Variants in HEATR5A observed in about 807,000 individuals in gnomAD.
HEATR5A encodes HEAT repeat containing 5A.
In HEATR5A, 178 loss-of-function variants were observed where a neutral mutation model predicts 218.8. The ratio of observed to expected loss-of-function variants is 0.81; its 90% CI spans 0.72 to 0.92. HEATR5A has a LOEUF of 0.92. Among genes scored for constraint, HEATR5A ranks in the 40% least tolerant of loss-of-function variants. The pLI is 0.00. For missense variants in HEATR5A, 2,420 were observed against 2,418.9 expected, an observed-to-expected ratio of 1.00 and a Z score of -0.01; for synonymous variants, 864 against 871.6, an observed-to-expected ratio of 0.99 and a Z score of 0.15.
In HEATR5A at chr14:31,359,016, T is replaced by G. The variant is rs1242308787; in HGVS notation, c.2113A>C (p.Thr705Pro). Reference protein sequence around the residue: ...AILRELAADLTAPDIQVAAST... With the variant: ...AILRELAADLPAPDIQVAAST... ...GCTGCCACCTGAATATCAGGGGCAG[T>G]CAAGTCAGCAGCCAGCTCTCTGAGG... The change falls in exon 15 of 36, where the codon ACT (threonine) becomes CCT (proline). Residue 705 changes from threonine to proline, a missense_variant. Physicochemically the swap from Thr to Pro is conservative, Grantham distance 38 (BLOSUM62 -1). Transcript: ENST00000543095. The G allele has an allele frequency of 3.1e-6, 5 of 1,589,174 alleles. No individual in the cohort carries two copies. The highest frequency in any genetic ancestry group is 4.3e-6 in the Non-Finnish European group (5 of 1,174,404).
chr14:31,364,350 T>C (rs1474979045), intron 13 of HEATR5A, 52 bp from the exon 14 acceptor site: 3 of 868,456 alleles, frequency 3.5e-6, no homozygotes, highest in East Asian at 2.7e-5. Flanking sequence ...TATAACAATA[T>C]ACAAAAATTG....
chr14:31,395,448 C>A, intron 4 of HEATR5A, 100 bp from the exon 5 acceptor site: 1 of 559,992 alleles, frequency 1.8e-6, no homozygotes, highest in Non-Finnish European at 3.0e-6. Flanking sequence ...AATATCCAGA[C>A]TTCTCTACAT....
chr14:31,310,631 C>T (rs926119037), intron 28 of HEATR5A, among the ~76,000 whole-genome samples: 1 of 152,012 alleles, frequency 6.6e-6, no homozygotes, highest in African/African-American at 2.4e-5. Flanking sequence ...CAGAGCAAGA[C>T]TCCACCTCAA....
intron 9 of HEATR5A, among the ~76,000 whole-genome samples, chr14:31,385,972 C>A (rs2030202690): frequency 6.6e-6 from 1 of 152,182 alleles, no homozygotes; most frequent in Non-Finnish European, 1.5e-5. Context: ...AAGTGATATG[C>A]CTGCCTCAGC....
intron 16 of HEATR5A, among the ~76,000 whole-genome samples, chr14:31,354,195 C>A (rs1224108490): frequency 6.6e-6 from 1 of 151,788 alleles, no homozygotes; most frequent in Non-Finnish European, 1.5e-5. Flanking sequence ...TTAAGAATAA[C>A]TGTATGATCA....
intron 13 of HEATR5A, among the ~76,000 whole-genome samples, chr14:31,365,514 C>A (rs1443843593): frequency 6.6e-6 from 1 of 151,954 alleles, no homozygotes; most frequent in East Asian, 1.9e-4. Context: ...GCACGTGCCA[C>A]CACGCCTGGC....
intron 2 of HEATR5A, 48 bp from the exon 3 acceptor site, chr14:31,400,560 C>G: frequency 8.6e-7 from 1 of 1,168,174 alleles, no homozygotes; most frequent in South Asian, 1.6e-5. Context: ...ATATAATTAT[C>G]TGTAATCCCC....
At chr14:31,340,120 T>A (rs1566760441) in intron 21 of HEATR5A, among the ~76,000 whole-genome samples, 1 of 152,200 alleles carries the variant, frequency 6.6e-6, no homozygotes, top group African/African-American at 2.4e-5. Flanking sequence ...AGGAATACAG[T>A]GGCTTAAGGC....
intron 9 of HEATR5A, among the ~76,000 whole-genome samples, chr14:31,384,444 GA>G (rs1194724680): frequency 0.012 from 1,304 of 112,616 alleles, 10 homozygotes; most frequent in African/African-American, 0.034. Context: ...ACCCTGCCTT[GA>G]AAAAAAAAAA....
chr14:31,402,680 A>G (rs766745619), intron 2 of HEATR5A, among the ~76,000 whole-genome samples, 170 bp downstream of exon 2: 2 of 152,232 alleles, frequency 1.3e-5, no homozygotes, highest in Non-Finnish European at 2.9e-5. Flanking sequence ...TTCTTCTAAT[A>G]ATAAAAATTC....
At chr14:31,353,275 C>T (rs1240863499) in intron 16 of HEATR5A, among the ~76,000 whole-genome samples, 1 of 152,064 alleles carries the variant, frequency 6.6e-6, no homozygotes, top group Non-Finnish European at 1.5e-5. Context: ...ACAATATTAT[C>T]AGGGATTTTC....
chr14:31,410,006 C>T (rs186325273), intron 1 of HEATR5A, among the ~76,000 whole-genome samples: 23 of 152,208 alleles, frequency 1.5e-4, no homozygotes, highest in Admixed American at 1.4e-3. Context: ...AGGGAAAAAT[C>T]ACAAATAATC....
chr14:31,386,234 T>A (rs184464411), intron 9 of HEATR5A, among the ~76,000 whole-genome samples, 186 bp downstream of exon 9: 13 of 152,296 alleles, frequency 8.5e-5, no homozygotes, highest in African/African-American at 3.1e-4. Context: ...TAGAGAACAA[T>A]CTTTAATTAC....
Position 31,309,098 on chromosome 14 carries a change from G to A in HEATR5A, c.4526C>T (p.Ala1509Val), listed in dbSNP as rs1333464476. The A allele has an allele frequency of 1.9e-6, 3 of 1,613,860 alleles. No homozygotes were observed. The highest frequency in any genetic ancestry group is 2.7e-5 in the African/African-American group (2 of 74,916). The change falls in exon 29 of 36, where the codon GCA (alanine) becomes GTA (valine). Residue 1509 changes from alanine (A) to valine (V), a missense_variant. Transcript: ENST00000543095. ...NSWALILHAT[A>V]LWLTSTGFVV... ...AAAACCCGTGCTTGTAAGCCACAATGCTGTAGCATGGAGGATAAGTGCCCA... is the reference window on the plus strand; with the variant it reads ...AAAACCCGTGCTTGTAAGCCACAATACTGTAGCATGGAGGATAAGTGCCCA...
intron 16 of HEATR5A, among the ~76,000 whole-genome samples, chr14:31,351,302 G>A (rs1305599171): frequency 6.6e-6 from 1 of 152,050 alleles, no homozygotes; most frequent in African/African-American, 2.4e-5. Context: ...GACCAGCCTG[G>A]GCAACACAGT....
At chr14:31,330,828 G>C (rs1900441323) in intron 22 of HEATR5A, among the ~76,000 whole-genome samples, 5 of 151,490 alleles carry the variant, frequency 3.3e-5, no homozygotes, top group Admixed American at 2.6e-4. Context: ...CTTGTTACTT[G>C]TGAAAATTTC....
At chr14:31,316,261 T>C (rs755515050) in intron 26 of HEATR5A, among the ~76,000 whole-genome samples, 10 of 151,916 alleles carry the variant, frequency 6.6e-5, no homozygotes, top group Non-Finnish European at 1.3e-4. Context: ...GACCTCTAGA[T>C]TGGGTGGCAG....
intron 24 of HEATR5A, among the ~76,000 whole-genome samples, chr14:31,322,917 A>T (rs1270012262): frequency 6.6e-6 from 1 of 152,090 alleles, no homozygotes; most frequent in East Asian, 1.9e-4. Context: ...AGGCAAACAT[A>T]AATAGGTAAA....
intron 16 of HEATR5A, among the ~76,000 whole-genome samples, chr14:31,355,793 C>T (rs1448007848): frequency 6.6e-6 from 1 of 152,114 alleles, no homozygotes; most frequent in Admixed American, 6.6e-5. Context: ...ACTTTCCAAC[C>T]GGTAAACATT....
Sources: allele counts gnomAD v4.1 joint callset (sites outside exome capture counted in the v4.1 genomes callset), GRCh38; gene constraint gnomAD v4.1.1; transcripts MANE v1.5; gene names NCBI Gene and HGNC (gene_info 2026-07-23, HGNC 2026-07-21).